Variants in PLPPR5 observed in about 807,000 individuals in gnomAD.
The protein encoded by PLPPR5 is phospholipid phosphatase-related protein type 5.
PLPPR5 carries 16 observed loss-of-function variants against 33.9 expected under a neutral mutation model. The ratio of observed to expected loss-of-function variants is 0.47; its 90% CI spans 0.32 to 0.72. The LOEUF is 0.72. Among genes scored for constraint, PLPPR5 ranks in the 30% least tolerant of loss-of-function variants. The pLI is 0.03. For synonymous variants in PLPPR5, 163 were observed against 150.3 expected (o/e 1.08, Z -0.62); for missense variants, 301 against 406.7 (o/e 0.74, Z 2.23).
At chr1:98,958,713 T>C (rs1318084426) in intron 1 of PLPPR5, among the ~76,000 whole-genome samples, 1 of 152,256 alleles carries the variant, frequency 6.6e-6, no homozygotes, top group Non-Finnish European at 1.5e-5. Context: ...GTTTTTCTCA[T>C]GTCCTACCTC....
intron 1 of PLPPR5, among the ~76,000 whole-genome samples, chr1:98,974,407 G>A (rs1185347458): frequency 6.6e-6 from 1 of 152,034 alleles, no homozygotes; most frequent in Non-Finnish European, 1.5e-5. Flanking sequence ...TTAAGTCAAT[G>A]GAAGAATTCT....
chr1:98,918,688 T>C (rs72730322), intron 4 of PLPPR5, among the ~76,000 whole-genome samples: 27,400 of 152,180 alleles, frequency 0.18, 2,688 homozygotes, highest in Non-Finnish European at 0.21. Flanking sequence ...GGATCTTGTC[T>C]GAGCCAAATC....
chr1:98,936,751 A>T (rs1481651130), intron 3 of PLPPR5, among the ~76,000 whole-genome samples: 1 of 152,200 alleles, frequency 6.6e-6, no homozygotes, highest in Admixed American at 6.5e-5. Flanking sequence ...AGAACAATCG[A>T]TCCTATGCTT....
intron 1 of PLPPR5, among the ~76,000 whole-genome samples, chr1:98,988,647 C>A (rs943760658): frequency 6.6e-6 from 1 of 152,106 alleles, no homozygotes; most frequent in Non-Finnish European, 1.5e-5. Flanking sequence ...GCTCACCAAA[C>A]ACCCAATACC....
intron 5 of PLPPR5, 137 bp from the exon 6 acceptor site, chr1:98,893,241 A>G (rs758059429): frequency 1.5e-6 from 1 of 661,908 alleles, no homozygotes; most frequent in Non-Finnish European, 2.4e-6. Flanking sequence ...TATTAAACTA[A>G]GTTTTATGTA....
chr1:98,959,649 A>G (rs1390963859), intron 1 of PLPPR5, among the ~76,000 whole-genome samples: 1 of 152,102 alleles, frequency 6.6e-6, no homozygotes. Context: ...CCGAGCATAC[A>G]TGATTTCCCC....
intron 3 of PLPPR5, among the ~76,000 whole-genome samples, chr1:98,930,668 G>T (rs1379907575): frequency 6.6e-6 from 1 of 152,016 alleles, no homozygotes; most frequent in Non-Finnish European, 1.5e-5. Flanking sequence ...ACATTTCAAA[G>T]GATGTCCTAA....
At chr1:98,920,852 T>G (rs371264243) in intron 4 of PLPPR5, among the ~76,000 whole-genome samples, 10 of 152,164 alleles carry the variant, frequency 6.6e-5, no homozygotes, top group Admixed American at 2.0e-4. Context: ...AATGTGTCAA[T>G]GCAAAAATAT....
chr1:98,947,784 C>T (rs1256282584), intron 3 of PLPPR5, among the ~76,000 whole-genome samples: 4 of 152,120 alleles, frequency 2.6e-5, no homozygotes, highest in Non-Finnish European at 5.9e-5. Context: ...AAACATCAAT[C>T]GACTAATAAT....
intron 1 of PLPPR5, among the ~76,000 whole-genome samples, chr1:98,996,364 A>T (rs926232761): frequency 6.6e-6 from 1 of 152,088 alleles, no homozygotes; most frequent in Admixed American, 6.6e-5. Flanking sequence ...CAGAGTTTCA[A>T]ATGTACCTGG....
At chr1:98,956,983 A>G (rs1651033124) in intron 1 of PLPPR5, among the ~76,000 whole-genome samples, 2 of 152,042 alleles carry the variant, frequency 1.3e-5, no homozygotes, top group Admixed American at 1.3e-4. Flanking sequence ...TGGCACATAT[A>G]CACCATGGAA....
chr1:98,927,247 T>A (rs1482127932), intron 3 of PLPPR5, among the ~76,000 whole-genome samples: 1 of 152,208 alleles, frequency 6.6e-6, no homozygotes, highest in Non-Finnish European at 1.5e-5. Flanking sequence ...GAATTCTGAA[T>A]AAATGCTTAG....
intron 3 of PLPPR5, among the ~76,000 whole-genome samples, chr1:98,930,462 A>G (rs1649923420): frequency 6.6e-6 from 1 of 152,170 alleles, no homozygotes; most frequent in Non-Finnish European, 1.5e-5. Context: ...AAAATTTTAA[A>G]TATTAAGTCA....
intron 2 of PLPPR5, 76 bp from the exon 3 acceptor site, chr1:98,953,396 A>AGTG (rs778736727): frequency 1.8e-5 from 14 of 799,026 alleles, no homozygotes; most frequent in Admixed American, 7.7e-5. Context: ...TGTGTGTGTG[A>AGTG]ATTTCAGTTT....
At chr1:98,922,895 G>C (rs1464444858) in intron 3 of PLPPR5, among the ~76,000 whole-genome samples, 1 of 152,032 alleles carries the variant, frequency 6.6e-6, no homozygotes, top group Non-Finnish European at 1.5e-5. Context: ...TGAGGCAGGA[G>C]AATGGCATGA....
intron 1 of PLPPR5, among the ~76,000 whole-genome samples, chr1:98,981,977 A>G (rs1435509438): frequency 6.6e-6 from 1 of 152,104 alleles, no homozygotes; most frequent in Non-Finnish European, 1.5e-5. Flanking sequence ...CAATCTCTAA[A>G]GTACCACTAA....
chr1:98,900,960 A>C (rs1275554895), intron 5 of PLPPR5, among the ~76,000 whole-genome samples: 1 of 152,200 alleles, frequency 6.6e-6, no homozygotes, highest in Admixed American at 6.6e-5. Flanking sequence ...TTACCATACA[A>C]CCTGGCAATC....
chr1:98,981,456 C>G (rs561280063), intron 1 of PLPPR5, among the ~76,000 whole-genome samples: 1 of 152,082 alleles, frequency 6.6e-6, no homozygotes, highest in Non-Finnish European at 1.5e-5. Flanking sequence ...CCTTCACTTC[C>G]GTGACTAGCA....
In PLPPR5 at chr1:98,965,996, A is replaced by C. The variant is rs528906934; in HGVS notation, c.238-9255T>G. Among the ~76,000 whole-genome samples, 15 of 152,320 alleles carry C rather than the reference A, an allele frequency of 9.8e-5. 1 individual carries two copies. In the South Asian group the frequency reaches 3.1e-3, roughly 32 times the overall value. On this transcript the variant is annotated intron_variant, in intron 1 of 5. Coordinates refer to ENST00000263177, the MANE Select transcript of PLPPR5 (RefSeq NM_001037317.2). ...AGTCATGGGACACACCTAAACTTTAAACTCTGAATGTGTGAATCCAGTGAA... is the reference window on the plus strand; with the variant it reads ...AGTCATGGGACACACCTAAACTTTACACTCTGAATGTGTGAATCCAGTGAA...
Sources: allele counts gnomAD v4.1 joint callset (sites outside exome capture counted in the v4.1 genomes callset), GRCh38; gene constraint gnomAD v4.1.1; transcripts MANE v1.5; gene names NCBI Gene and HGNC (gene_info 2026-07-23, HGNC 2026-07-21).